The following TBC1D16 variants were observed in gnomAD, a reference collection of about 807,000 sequenced individuals.
TBC1D16 encodes the protein TBC1 domain family member 16, also known as CTD-2529O21.1.
Under a neutral mutation model 74.7 loss-of-function variants are expected in TBC1D16, and 58 were observed. The observed-to-expected ratio is 0.78, with a 90% confidence interval of 0.63 to 0.97. The LOEUF (loss-of-function observed/expected upper bound fraction) is 0.97. Among genes scored for constraint, TBC1D16 ranks in the 50% least tolerant of loss-of-function variants. The pLI, the probability that TBC1D16 is intolerant of heterozygous loss-of-function variation, is 0.00. For missense variants in TBC1D16, 1,014 were observed against 1,079.5 expected, an observed-to-expected ratio of 0.94 and a Z score of 0.85; for synonymous variants, 493 against 474.7, an observed-to-expected ratio of 1.04 and a Z score of -0.50.
Position 79,990,426 on chromosome 17 carries a change from T to C in TBC1D16, c.779+19734A>G, listed in dbSNP as rs1400893141. ...CACCTCCCACGTGATTTCCCAATGC[T>C]TGAAGTTCACGACCAATTGCTGGGG... On this transcript the variant is annotated intron_variant, in intron 3 of 11. Coordinates refer to ENST00000310924, the MANE Select transcript of TBC1D16 (RefSeq NM_019020.4). The surrounding 1 kb of genome is among the most constrained non-coding windows in gnomAD (Gnocchi z 4.8). 6.6e-6 allele frequency among the ~76,000 whole-genome samples: 1 copy of C among 152,176 alleles called. No individual in the cohort carries two copies. Among genetic ancestry groups the C allele is most frequent in the East Asian group, 1.9e-4 (1 of 5,192 alleles).
chr17:80,007,671 C>G lies in TBC1D16; in HGVS notation c.779+2489G>C, dbSNP rs2035729078. On this transcript the variant is annotated intron_variant, in intron 3 of 11. Transcript: ENST00000310924. This position sits in a 1 kb window ranked among gnomAD's most constrained non-coding sequence, Gnocchi z 4.5. Reference sequence around the variant, plus strand: ...GTGCCTCGCCCCAGGAGCTGAGTCTCAAACATATAAGCTGGCCGGTTAGGA... The same window carrying G: ...GTGCCTCGCCCCAGGAGCTGAGTCTGAAACATATAAGCTGGCCGGTTAGGA... Among the ~76,000 whole-genome samples, 1 of 152,154 alleles carries G rather than the reference C, an allele frequency of 6.6e-6. No individual in the cohort carries two copies. Among genetic ancestry groups the G allele is most frequent in the Non-Finnish European group, 1.5e-5 (1 of 68,038 alleles).
In TBC1D16 at chr17:79,956,235, C is replaced by G. The variant is rs2033328772; in HGVS notation, c.780-3417G>C. The stretch of plus-strand genomic sequence containing the variant: ...CCAGCCCAAACCAAAGGTCTGTGAG[C>G]AAAGAAGCGGTTTTTTGTTTGTTTG... On this transcript the variant is annotated intron_variant, in intron 3 of 11. Coordinates refer to ENST00000310924, the MANE Select transcript of TBC1D16 (RefSeq NM_019020.4). The surrounding 1 kb of genome is among the most constrained non-coding windows in gnomAD (Gnocchi z 4.0). Among the ~76,000 whole-genome samples, 1 of 152,196 alleles carries G rather than the reference C, an allele frequency of 6.6e-6. No homozygotes were observed. Among genetic ancestry groups the G allele is most frequent in the Non-Finnish European group, 1.5e-5 (1 of 68,040 alleles).
intron 3 of TBC1D16, among the ~76,000 whole-genome samples, chr17:80,004,499 G>T (rs1274550312): frequency 6.6e-6 from 1 of 152,164 alleles, no homozygotes; most frequent in African/African-American, 2.4e-5. Context: ...AAAAAGTGGG[G>T]TAAGATCTCA....
At position 79,932,907 on chromosome 17, in the gene TBC1D16, T is replaced by G. The variant is rs2143189938; in HGVS notation, c.*7952A>C. The G allele has an allele frequency of 6.6e-6, 1 of 152,342 alleles. No individual in the cohort carries two copies. The highest frequency in any genetic ancestry group is 1.9e-4 in the East Asian group (1 of 5,192). 9.4% of individuals were successfully genotyped at this position (152,342 alleles called of 1,614,324 possible). A position where few individuals can be genotyped will look rare whatever the true frequency, so the allele number is the denominator to read the frequency against. On this transcript the variant is annotated 3_prime_UTR_variant, in exon 12 of 12. Coordinates refer to ENST00000310924, the MANE Select transcript of TBC1D16 (RefSeq NM_019020.4). ...TGACTCAAAACATAAAATCCCCTCT[T>G]TTGTCTCATGTTGAAGAGCTGATGA...
At chr17:79,997,463 C>A (rs1288779341) in intron 3 of TBC1D16, among the ~76,000 whole-genome samples, 1 of 152,048 alleles carries the variant, frequency 6.6e-6, no homozygotes, top group East Asian at 1.9e-4. Context: ...CTATTGGGCA[C>A]TGTTAGCCTA....
chr17:79,969,664 G>A (rs931722861), intron 3 of TBC1D16, among the ~76,000 whole-genome samples: 6 of 152,042 alleles, frequency 3.9e-5, no homozygotes, highest in African/African-American at 7.2e-5. Context: ...AAATAGGGCC[G>A]GGCACGGTGG....
chr17:80,026,240 T>C (rs1272997916), intron 1 of TBC1D16: 1 of 149,798 alleles, frequency 6.7e-6, no homozygotes, highest in Non-Finnish European at 1.5e-5. Flanking sequence ...CTGGTCAATA[T>C]GGCAAAACCC....
intron 3 of TBC1D16, among the ~76,000 whole-genome samples, chr17:79,970,560 C>A (rs185049836): frequency 8.7e-4 from 133 of 152,324 alleles, no homozygotes; most frequent in African/African-American, 2.9e-3. Flanking sequence ...TGTCCCCCAC[C>A]CTCTCAACCT....
intron 1 of TBC1D16, chr17:80,026,004 A>G (rs1309937105): frequency 6.7e-6 from 1 of 150,192 alleles, no homozygotes; most frequent in Non-Finnish European, 1.5e-5. Flanking sequence ...GAAACTGCAC[A>G]CGGATGTTGA....
chr17:79,959,983 A>G (rs2033520923), intron 3 of TBC1D16, among the ~76,000 whole-genome samples: 1 of 152,188 alleles, frequency 6.6e-6, no homozygotes. Flanking sequence ...TATCCAGAGT[A>G]TGTATAAGAA....
chr17:80,031,377 C>T (rs1192229850), intron 1 of TBC1D16, among the ~76,000 whole-genome samples: 2 of 152,206 alleles, frequency 1.3e-5, no homozygotes, highest in East Asian at 1.9e-4. Context: ...TATGCAGAAG[C>T]GAGAACGGGA....
At chr17:80,029,814 C>T (rs1271997145) in intron 1 of TBC1D16, among the ~76,000 whole-genome samples, 1 of 152,156 alleles carries the variant, frequency 6.6e-6, no homozygotes, top group Admixed American at 6.5e-5. Context: ...TCCTGGAGGT[C>T]TGAAATCTGG....
intron 2 of TBC1D16, among the ~76,000 whole-genome samples, chr17:80,011,622 C>T (rs994802024): frequency 3.9e-5 from 6 of 152,216 alleles, no homozygotes; most frequent in African/African-American, 9.6e-5. Flanking sequence ...GTCAGGAGAT[C>T]GAGACCATCG....
At chr17:79,959,373 T>G (rs779800373) in intron 3 of TBC1D16, among the ~76,000 whole-genome samples, 1 of 152,206 alleles carries the variant, frequency 6.6e-6, no homozygotes, top group Non-Finnish European at 1.5e-5. Flanking sequence ...CCAACAGGAA[T>G]TTTTAGTGAA....
chr17:79,959,295 G>A (rs937441293), intron 3 of TBC1D16, among the ~76,000 whole-genome samples: 1 of 152,120 alleles, frequency 6.6e-6, no homozygotes, highest in Non-Finnish European at 1.5e-5. Flanking sequence ...GAATAAAACC[G>A]TCAACTTGGT....
At chr17:79,989,493 G>A (rs987779554) in intron 3 of TBC1D16, among the ~76,000 whole-genome samples, 26 of 152,210 alleles carry the variant, frequency 1.7e-4, no homozygotes, top group African/African-American at 5.8e-4. Flanking sequence ...GAAAAGCCAC[G>A]GTTCGCTTTG....
chr17:79,998,303 T>C (rs1332999774), intron 3 of TBC1D16, among the ~76,000 whole-genome samples: 1 of 151,550 alleles, frequency 6.6e-6, no homozygotes, highest in Non-Finnish European at 1.5e-5. Flanking sequence ...GCTGGAATCA[T>C]GCAGCTTGCA....
intron 3 of TBC1D16, among the ~76,000 whole-genome samples, chr17:79,957,856 TA>T (rs34391874): frequency 0.48 from 69,480 of 143,706 alleles, 16,467 homozygotes; most frequent in East Asian, 0.58. Context: ...TAACATCTAT[TA>T]AAAAAAAAAA....
In TBC1D16 at chr17:79,944,761, G is replaced by A; in HGVS notation, c.1908+147C>T. 2.7e-6 allele frequency: 2 copies of A among 736,416 alleles called. No individual in the cohort carries two copies. The highest frequency in any genetic ancestry group is 3.8e-5 in the South Asian group (2 of 52,686). 45.6% of individuals were successfully genotyped at this position (736,416 alleles called of 1,614,324 possible). A position where few individuals can be genotyped will look rare whatever the true frequency, so the allele number is the denominator to read the frequency against. ...TGTAAGGTCTGAAGCCAGCCACGTG[G>A]GACGGGAAGGCAGTCGCCGTATGGG... On this transcript the variant is annotated intron_variant, in intron 10 of 11. Transcript: ENST00000310924. The surrounding 1 kb of genome is among the most constrained non-coding windows in gnomAD (Gnocchi z 7.7).
Sources: gnomAD v4.1 joint callset for allele counts (sites outside exome capture counted in the v4.1 genomes callset) on GRCh38, gnomAD v4.1.1 for gene constraint, Gnocchi (gnomAD v3.1) non-coding constraint, MANE v1.5 for transcripts, NCBI Gene and HGNC (gene_info 2026-07-23, HGNC 2026-07-21) for gene names.